SLC38A1: variants seen among roughly 807,000 people sequenced by gnomAD.
SLC38A1 encodes sodium-coupled neutral amino acid symporter 1.
SLC38A1 carries 18 observed loss-of-function variants against 60.3 expected under a neutral mutation model. That is an observed-to-expected ratio of 0.30 (90% CI 0.21 to 0.44). SLC38A1 has a LOEUF of 0.44. SLC38A1 is among the 20% of genes least tolerant of loss of function. The pLI is 1.00. For missense variants in SLC38A1, 448 were observed against 587.2 expected (o/e 0.76, Z 2.45); for synonymous variants, 196 against 212.1 (o/e 0.92, Z 0.66).
chr12:46,197,482 G>A (rs1308493375), intron 16 of SLC38A1: 1 of 370,938 alleles, frequency 2.7e-6, no homozygotes, highest in South Asian at 2.8e-5. Flanking sequence ...ACTCCAGCCT[G>A]GGCGACAGAG....
Position 46,268,682 on chromosome 12 carries a change from G to C in SLC38A1, c.-365C>G. On this transcript the variant is annotated 5_prime_UTR_variant, in exon 1 of 17. Coordinates refer to ENST00000398637, the MANE Select transcript of SLC38A1 (RefSeq NM_030674.4). The surrounding 1 kb of genome is among the most constrained non-coding windows in gnomAD (Gnocchi z 4.4). ...TCAGTAAGGGTTGGGCAGGGAGCTT[G>C]GCGTGGCCTGGCGGATTTCGGAGGA... 3.4e-6 allele frequency: 1 copy of C among 290,202 alleles called. No homozygotes were observed. The highest frequency in any genetic ancestry group is 7.3e-6 in the Non-Finnish European group (1 of 136,096). The allele number at this position is 290,202 out of a possible 1,614,324, so 18.0% of individuals were successfully genotyped here.
chr12:46,189,131 TG>T (rs1274392267), intron 16 of SLC38A1, 60 bp from the exon 17 acceptor site: 12 of 1,296,354 alleles, frequency 9.3e-6, no homozygotes, highest in Non-Finnish European at 1.2e-5. Context: ...CACATGTACC[TG>T]GGGAAAAAAA....
chr12:46,229,312 A>G (rs776765697), intron 4 of SLC38A1, 44 bp from the exon 5 acceptor site: 6 of 1,356,302 alleles, frequency 4.4e-6, no homozygotes, highest in Admixed American at 1.8e-5. Flanking sequence ...AATAATCCCC[A>G]AGAAAGTTCA....
chr12:46,248,151 C>T (rs1421322297), intron 1 of SLC38A1, among the ~76,000 whole-genome samples: 1 of 152,184 alleles, frequency 6.6e-6, no homozygotes, highest in Non-Finnish European at 1.5e-5. Flanking sequence ...AACCAACTAA[C>T]ATCATAATGA....
chr12:46,226,956 A>G (rs1005176699), intron 5 of SLC38A1, among the ~76,000 whole-genome samples: 6 of 152,222 alleles, frequency 3.9e-5, no homozygotes, highest in African/African-American at 1.2e-4. Context: ...ATTGCACCCA[A>G]TGCCTGACAC....
intron 11 of SLC38A1, among the ~76,000 whole-genome samples, 188 bp downstream of exon 11, chr12:46,204,113 G>C (rs193282122): frequency 1.3e-5 from 2 of 152,328 alleles, no homozygotes; most frequent in African/African-American, 2.4e-5. Context: ...TTAATGGTAA[G>C]AGAGAGTGTA....
At chr12:46,234,518 G>C (rs1454881752) in intron 3 of SLC38A1, among the ~76,000 whole-genome samples, 2 of 150,408 alleles carry the variant, frequency 1.3e-5, no homozygotes, top group African/African-American at 4.9e-5. Context: ...CGCTATCTCG[G>C]CTCACTGCAA....
chr12:46,265,210 A>G (rs1452631296), intron 1 of SLC38A1, among the ~76,000 whole-genome samples: 1 of 152,212 alleles, frequency 6.6e-6, no homozygotes, highest in Non-Finnish European at 1.5e-5. Flanking sequence ...AAAAGAAAAA[A>G]CTGAGGCTTA....
chr12:46,262,736 G>A (rs1942237559), intron 1 of SLC38A1, among the ~76,000 whole-genome samples: 1 of 152,282 alleles, frequency 6.6e-6, no homozygotes, highest in African/African-American at 2.4e-5. Context: ...GCATCACAAA[G>A]TGCTGCATAT....
chr12:46,265,128 T>C (rs987330781), intron 1 of SLC38A1, among the ~76,000 whole-genome samples: 1 of 152,236 alleles, frequency 6.6e-6, no homozygotes, highest in Non-Finnish European at 1.5e-5. Context: ...ATTATCTTCA[T>C]TAAATCTTTA....
chr12:46,222,439 C>A (rs1416698467), intron 5 of SLC38A1, among the ~76,000 whole-genome samples: 2 of 152,106 alleles, frequency 1.3e-5, no homozygotes, highest in East Asian at 3.9e-4. Flanking sequence ...TCACTTCCAC[C>A]CAATATTCAG....
At position 46,204,594 on chromosome 12, in the gene SLC38A1, T is replaced by TA. The variant is rs749758760; in HGVS notation, c.647-5dup. 92 of 1,574,340 alleles carry TA rather than the reference T, an allele frequency of 5.8e-5. No individual in the cohort carries two copies. In the African/African-American group the frequency reaches 6.9e-4, roughly 12 times the overall value. On this transcript the variant is annotated splice_region_variant and splice_polypyrimidine_tract_variant and intron_variant, in intron 9 of 16. Transcript: ENST00000398637. ...CCACTAGTATAGCCAAGATACCCTT[T>TA]AAAAAAAAGTAAAAAATAAATTATT...
intron 2 of SLC38A1, among the ~76,000 whole-genome samples, chr12:46,242,207 TTTA>T (rs954924626): frequency 2.0e-5 from 3 of 152,144 alleles, no homozygotes; most frequent in Non-Finnish European, 2.9e-5. Context: ...AGAATAATTT[TTTA>T]TTATTATTAA....
intron 5 of SLC38A1, among the ~76,000 whole-genome samples, chr12:46,223,371 A>T (rs1456207839): frequency 2.0e-5 from 3 of 152,176 alleles, no homozygotes; most frequent in African/African-American, 7.2e-5. Context: ...TACTAACTGT[A>T]GTATTTTAAC....
intron 5 of SLC38A1, among the ~76,000 whole-genome samples, chr12:46,222,503 G>A (rs989229734): frequency 4.6e-5 from 7 of 151,998 alleles, no homozygotes; most frequent in Admixed American, 1.3e-4. Flanking sequence ...ACTATGCTAC[G>A]CAGTAACATA....
At chr12:46,216,088 C>T (rs1165525133) in intron 5 of SLC38A1, among the ~76,000 whole-genome samples, 1 of 152,154 alleles carries the variant, frequency 6.6e-6, no homozygotes, top group African/African-American at 2.4e-5. Flanking sequence ...CTCTCCCTCA[C>T]CCTCTTCTAC....
chr12:46,260,528 C>T (rs1942165102), intron 1 of SLC38A1, among the ~76,000 whole-genome samples: 1 of 152,174 alleles, frequency 6.6e-6, no homozygotes, highest in Admixed American at 6.5e-5. Context: ...AGGTTCTTTC[C>T]TTCTCAGAAA....
At chr12:46,190,257 G>A (rs1465550921) in intron 16 of SLC38A1, among the ~76,000 whole-genome samples, 2 of 152,144 alleles carry the variant, frequency 1.3e-5, no homozygotes, top group Admixed American at 6.5e-5. Context: ...TCCCTGCAAA[G>A]GACATGAACT....
chr12:46,217,093 T>C (rs1940446983), intron 5 of SLC38A1, among the ~76,000 whole-genome samples: 2 of 152,218 alleles, frequency 1.3e-5, no homozygotes, highest in South Asian at 4.1e-4. Flanking sequence ...TAGTACCAAA[T>C]GTTGGGGTAT....
Sources: gnomAD v4.1 joint callset for allele counts (sites outside exome capture counted in the v4.1 genomes callset) on GRCh38, gnomAD v4.1.1 for gene constraint, Gnocchi (gnomAD v3.1) non-coding constraint, MANE v1.5 for transcripts, NCBI Gene and HGNC (gene_info 2026-07-23, HGNC 2026-07-21) for gene names.